Variants in SLC16A7 observed in about 807,000 individuals in gnomAD.
SLC16A7 encodes the protein solute carrier family 16 member 7.
In SLC16A7, 33 loss-of-function variants were observed where a neutral mutation model predicts 34.9. The observed-to-expected ratio is 0.94, with a 90% CI of 0.72 to 1.26. The LOEUF (loss-of-function observed/expected upper bound fraction) is 1.26. Among genes scored for constraint, SLC16A7 ranks in the 50% most tolerant of loss-of-function variants. The pLI is 0.00. For missense variants in SLC16A7, 573 were observed against 578.1 expected, an observed-to-expected ratio of 0.99 and a Z score of 0.09; for synonymous variants, 201 against 206.6, an observed-to-expected ratio of 0.97 and a Z score of 0.23.
At position 59,775,298 on chromosome 12, in the gene SLC16A7, C is replaced by T; in HGVS notation, c.1003C>T (p.Gln335Ter). 1 of 1,614,152 alleles carries T rather than the reference C, an allele frequency of 6.2e-7. No homozygotes were observed. Among genetic ancestry groups the T allele is most frequent in the East Asian group, 2.2e-5 (1 of 44,870 alleles). Residue 335 changes from glutamine (Q) to a stop codon, truncating the protein, a stop_gained, in exon 5 of 6, where the codon CAG becomes TAG. Transcript: ENST00000547379. LOFTEE classifies it high-confidence loss of function. ...GVCHLLCPLA[Q>*]DYTSLVLYAV... The stretch of plus-strand genomic sequence containing the variant: ...GTGTCACCTCTTGTGCCCACTGGCA[C>T]AGGACTACACAAGCCTGGTATTATA...
At chr12:59,774,347 A>C (rs901882118) in intron 4 of SLC16A7, among the ~76,000 whole-genome samples, 2 of 152,200 alleles carry the variant, frequency 1.3e-5, no homozygotes, top group African/African-American at 2.4e-5. Context: ...ATTTTAATTG[A>C]GAACTAATAA....
chr12:59,737,384 A>G (rs190654768), intron 3 of SLC16A7, among the ~76,000 whole-genome samples: 6 of 152,236 alleles, frequency 3.9e-5, no homozygotes, highest in African/African-American at 1.4e-4. Context: ...AGACCAGTTT[A>G]TTAGAATTCT....
chr12:59,618,270 A>C (rs963226938), intron 1 of SLC16A7, among the ~76,000 whole-genome samples: 5 of 152,074 alleles, frequency 3.3e-5, no homozygotes, highest in South Asian at 2.1e-4. Flanking sequence ...TTTATCCCAC[A>C]TACCACGTAC....
intron 3 of SLC16A7, among the ~76,000 whole-genome samples, chr12:59,760,497 C>G (rs1880894026): frequency 6.6e-6 from 1 of 151,940 alleles, no homozygotes; most frequent in African/African-American, 2.4e-5. Flanking sequence ...ACACTATATG[C>G]CCTTAAAATA....
intron 2 of SLC16A7, among the ~76,000 whole-genome samples, chr12:59,693,792 A>G (rs1256751444): frequency 6.6e-6 from 1 of 151,886 alleles, no homozygotes; most frequent in East Asian, 1.9e-4. Flanking sequence ...AAATCGAAGA[A>G]GTATAATTTT....
At chr12:59,779,318 T>G in intron 5 of SLC16A7, 105 bp from the exon 6 acceptor site, 1 of 857,872 alleles carries the variant, frequency 1.2e-6, no homozygotes, top group Non-Finnish European at 1.7e-6. Context: ...TATTTGACAT[T>G]AATTTAAATA....
intron 1 of SLC16A7, among the ~76,000 whole-genome samples, chr12:59,635,481 A>C (rs1325871830): frequency 6.6e-6 from 1 of 152,080 alleles, no homozygotes; most frequent in Non-Finnish European, 1.5e-5. Context: ...GCCATTAAAG[A>C]ATATTAAAAT....
chr12:59,668,027 G>A (rs151114252), intron 2 of SLC16A7, among the ~76,000 whole-genome samples: 173 of 152,344 alleles, frequency 1.1e-3, no homozygotes, highest in African/African-American at 4.1e-3. Flanking sequence ...AAGAATTGAG[G>A]TTTGAAAACC....
At chr12:59,761,477 T>C (rs141876169) in intron 3 of SLC16A7, among the ~76,000 whole-genome samples, 1 of 152,152 alleles carries the variant, frequency 6.6e-6, no homozygotes, top group South Asian at 2.1e-4. Flanking sequence ...ATTGTTTACA[T>C]CTGAATCTAT....
chr12:59,691,794 T>G (rs1033306097), intron 2 of SLC16A7, among the ~76,000 whole-genome samples: 1 of 152,054 alleles, frequency 6.6e-6, no homozygotes, highest in Non-Finnish European at 1.5e-5. Context: ...GTACAATTTA[T>G]ACATTTTCTA....
intron 1 of SLC16A7, among the ~76,000 whole-genome samples, chr12:59,628,632 TA>T (rs1248638308): frequency 1.3e-5 from 2 of 151,708 alleles, no homozygotes; most frequent in Non-Finnish European, 2.9e-5. Flanking sequence ...AAACACATCA[TA>T]TTCTTTGTGT....
intron 3 of SLC16A7, among the ~76,000 whole-genome samples, chr12:59,715,291 G>A (rs1385338897): frequency 7.2e-5 from 11 of 152,072 alleles, no homozygotes; most frequent in Admixed American, 7.2e-4. Flanking sequence ...TTTTCTATGT[G>A]TTTCCATTTA....
chr12:59,618,519 A>G (rs1879558200), intron 1 of SLC16A7, among the ~76,000 whole-genome samples: 1 of 151,972 alleles, frequency 6.6e-6, no homozygotes, highest in African/African-American at 2.4e-5. Context: ...CAATCTGCTG[A>G]AATAGCTGGA....
At chr12:59,699,810 A>C (rs1872687048) in intron 2 of SLC16A7, among the ~76,000 whole-genome samples, 1 of 151,776 alleles carries the variant, frequency 6.6e-6, no homozygotes, top group Non-Finnish European at 1.5e-5. Context: ...ACAGCAAAAA[A>C]ATTTGTTATG....
intron 2 of SLC16A7, among the ~76,000 whole-genome samples, chr12:59,667,931 A>C (rs1869346165): frequency 6.6e-6 from 1 of 152,198 alleles, no homozygotes; most frequent in South Asian, 2.1e-4. Flanking sequence ...GTATAGCTAT[A>C]TAGCTAGGGT....
intron 1 of SLC16A7, among the ~76,000 whole-genome samples, chr12:59,627,422 G>T (rs969456411): frequency 1.3e-5 from 2 of 151,864 alleles, no homozygotes; most frequent in Non-Finnish European, 2.9e-5. Context: ...ATATATGTGT[G>T]TGTATGTACT....
chr12:59,615,618 G>A (rs1222262885), intron 1 of SLC16A7, among the ~76,000 whole-genome samples: 1 of 152,092 alleles, frequency 6.6e-6, no homozygotes, highest in Non-Finnish European at 1.5e-5. Context: ...CAACACACCT[G>A]CATCAATAAT....
intron 2 of SLC16A7, among the ~76,000 whole-genome samples, chr12:59,671,925 ATATC>A (rs1869795176): frequency 1.8e-5 from 1 of 54,166 alleles, no homozygotes; most frequent in Non-Finnish European, 3.3e-5. Context: ...ATATATGTAT[ATATC>A]CATATATGTA....
intron 3 of SLC16A7, among the ~76,000 whole-genome samples, chr12:59,765,300 G>A (rs186791799): frequency 3.3e-5 from 5 of 152,230 alleles, no homozygotes; most frequent in African/African-American, 4.8e-5. Context: ...CACTCTGATG[G>A]TAGTTTGTTT....
Sources: gnomAD v4.1 joint callset for allele counts (sites outside exome capture counted in the v4.1 genomes callset) on GRCh38, gnomAD v4.1.1 for gene constraint, MANE v1.5 for transcripts, NCBI Gene and HGNC (gene_info 2026-07-23, HGNC 2026-07-21) for gene names.